The following ADCY10 variants were observed in gnomAD, a reference collection of about 807,000 sequenced individuals.
The protein encoded by ADCY10 is adenylate cyclase type 10.
A neutral mutation model predicts 183.3 loss-of-function variants in ADCY10; 156 were observed. The observed-to-expected ratio is 0.85, with a 90% CI of 0.75 to 0.97. The LOEUF (loss-of-function observed/expected upper bound fraction) is 0.97, where lower values mean the gene tolerates loss of function less well. Ranked by LOEUF, ADCY10 falls within the 50% of genes least tolerant of loss-of-function variation. The probability of loss-of-function intolerance (pLI) is 0.00; values close to 1 mark genes in which losing one functional copy is unlikely to be tolerated. For synonymous variants in ADCY10, 645 were observed against 670.0 expected (o/e 0.96, Z 0.58); for missense variants, 1,745 against 1,934.3 (o/e 0.90, Z 1.84).
At chr1:167,839,290 G>A (rs1664449473) in intron 21 of ADCY10, among the ~76,000 whole-genome samples, 1 of 152,218 alleles carries the variant, frequency 6.6e-6, no homozygotes, top group African/African-American at 2.4e-5. Context: ...TCAATGGGAT[G>A]TAAGAGGAAA....
At chr1:167,868,931 G>A (rs576090678) in intron 14 of ADCY10, among the ~76,000 whole-genome samples, 3 of 152,176 alleles carry the variant, frequency 2.0e-5, no homozygotes, top group East Asian at 1.9e-4. Context: ...ATTCTGGCCC[G>A]GCAAGAAACT....
intron 8 of ADCY10, among the ~76,000 whole-genome samples, chr1:167,889,610 C>G (rs1005349655): frequency 1.3e-5 from 2 of 151,934 alleles, no homozygotes; most frequent in Non-Finnish European, 2.9e-5. Context: ...GGAAGTATTC[C>G]CTCCTCTTCT....
At chr1:167,901,123 G>T (rs1422977720) in intron 5 of ADCY10, among the ~76,000 whole-genome samples, 1 of 152,118 alleles carries the variant, frequency 6.6e-6, no homozygotes, top group African/African-American at 2.4e-5. Context: ...AGTGTGTAAT[G>T]TCTGCAATGT....
chr1:167,875,354 T>C (rs554383926), intron 12 of ADCY10, among the ~76,000 whole-genome samples, 168 bp from the exon 13 acceptor site: 1 of 152,358 alleles, frequency 6.6e-6, no homozygotes, highest in Admixed American at 6.5e-5. Context: ...CGAGAAGGTC[T>C]GACTTGGTAG....
At chr1:167,874,088 T>C (rs906853707) in intron 13 of ADCY10, among the ~76,000 whole-genome samples, 2 of 152,166 alleles carry the variant, frequency 1.3e-5, no homozygotes, top group East Asian at 1.9e-4. Context: ...TCCCAGCACT[T>C]TGGGAGGCTG....
chr1:167,856,057 A>G (rs1316312942), intron 17 of ADCY10, 108 bp downstream of exon 17: 1 of 1,272,796 alleles, frequency 7.9e-7, no homozygotes, highest in Non-Finnish European at 1.1e-6. Flanking sequence ...GGGCCAGGAA[A>G]GATACTGAAA....
intron 5 of ADCY10, among the ~76,000 whole-genome samples, chr1:167,900,690 G>A (rs1219008248): frequency 4.6e-5 from 7 of 152,174 alleles, no homozygotes; most frequent in Admixed American, 3.3e-4. Flanking sequence ...CCGCCATCAC[G>A]CCTGGCTAAT....
At chr1:167,859,130 A>G (rs987973629) in intron 16 of ADCY10, among the ~76,000 whole-genome samples, 1 of 152,234 alleles carries the variant, frequency 6.6e-6, no homozygotes, top group African/African-American at 2.4e-5. Flanking sequence ...TGAATTTGGC[A>G]TTAGACACTC....
intron 23 of ADCY10, among the ~76,000 whole-genome samples, chr1:167,835,318 A>G (rs1664117844): frequency 6.6e-6 from 1 of 152,192 alleles, no homozygotes; most frequent in Admixed American, 6.5e-5. Context: ...ATTTATATAT[A>G]TATCTCAGCA....
chr1:167,904,374 C>T (rs58422521), intron 2 of ADCY10, among the ~76,000 whole-genome samples: 1,647 of 152,174 alleles, frequency 0.011, 31 homozygotes, highest in African/African-American at 0.03. Context: ...GCGTGAGCCA[C>T]CGAACCCGGT....
In ADCY10 at chr1:167,845,966, C is replaced by A; in HGVS notation, c.2716+19G>T. ...ATGGGTCCTTAAGAGGAAATTGGGT[C>A]ACTCCAGGTGCTACTCACCCATCCC... is the stretch of plus-strand genomic sequence containing the variant. On this transcript the variant is annotated intron_variant, in intron 20 of 32. Coordinates refer to ENST00000367851, the MANE Select transcript of ADCY10 (RefSeq NM_018417.6). 1.2e-6 allele frequency: 2 copies of A among 1,614,110 alleles called. No homozygotes were observed. The highest frequency in any genetic ancestry group is 2.2e-5 in the South Asian group (2 of 90,992).
Position 167,892,060 on chromosome 1 carries a change from G to A in ADCY10, c.828+1793C>T, listed in dbSNP as rs181168858. 7.2e-3 allele frequency among the ~76,000 whole-genome samples: 1,081 copies of A among 150,752 alleles called. 7 individuals carry two copies. Among genetic ancestry groups the A allele is most frequent in the Admixed American group, 0.012 (174 of 15,088 alleles). ...GCAATCTCGGCTCACTGCAAGCTCC[G>A]TCTCCTTGCTCAAGTGATCCTCTCA... is the stretch of plus-strand genomic sequence containing the variant. On this transcript the variant is annotated intron_variant, in intron 8 of 32. Transcript: ENST00000367851.
intron 7 of ADCY10, among the ~76,000 whole-genome samples, chr1:167,896,064 T>C (rs1410506381): frequency 6.6e-6 from 1 of 152,168 alleles, no homozygotes; most frequent in Admixed American, 6.5e-5. Flanking sequence ...AGAGGTCACC[T>C]GGTTTGGCAA....
chr1:167,871,859 C>T (rs1207184379), intron 13 of ADCY10, among the ~76,000 whole-genome samples: 3 of 152,116 alleles, frequency 2.0e-5, no homozygotes, highest in East Asian at 1.9e-4. Context: ...ACCTCAATTT[C>T]GTGAGATGTT....
chr1:167,901,829 GC>G, intron 4 of ADCY10, 24 bp from the exon 5 acceptor site: 1 of 1,614,116 alleles, frequency 6.2e-7, no homozygotes, highest in Non-Finnish European at 8.5e-7. Context: ...CATGCCGCGG[GC>G]TTTTGACCTG....
At chr1:167,830,016 G>A (rs1663592012) in intron 25 of ADCY10, among the ~76,000 whole-genome samples, 1 of 152,234 alleles carries the variant, frequency 6.6e-6, no homozygotes, top group African/African-American at 2.4e-5. Flanking sequence ...TAAGCTGAAA[G>A]CTGAGTCATG....
At chr1:167,827,196 C>A (rs945878191) in intron 26 of ADCY10, among the ~76,000 whole-genome samples, 3 of 151,380 alleles carry the variant, frequency 2.0e-5, no homozygotes, top group Admixed American at 6.6e-5. Context: ...GAGATGGAGT[C>A]TTGCTCTGTC....
chr1:167,857,467 T>C (rs1158131109), intron 16 of ADCY10, among the ~76,000 whole-genome samples: 2 of 152,228 alleles, frequency 1.3e-5, no homozygotes, highest in Non-Finnish European at 2.9e-5. Context: ...ATGGGGCAGA[T>C]AGAAATTTAA....
intron 8 of ADCY10, among the ~76,000 whole-genome samples, chr1:167,889,324 G>C (rs1270040098): frequency 6.6e-6 from 1 of 152,140 alleles, no homozygotes; most frequent in Non-Finnish European, 1.5e-5. Flanking sequence ...AGCATCAACT[G>C]AAATGATAAT....
Sources: allele counts gnomAD v4.1 joint callset (sites outside exome capture counted in the v4.1 genomes callset), GRCh38; gene constraint gnomAD v4.1.1; transcripts MANE v1.5; gene names NCBI Gene and HGNC (gene_info 2026-07-23, HGNC 2026-07-21).